The following CSMD1 variants were observed in gnomAD, a reference collection of about 807,000 sequenced individuals.
CSMD1 encodes CUB and Sushi multiple domains 1.
CSMD1 carries 213 observed loss-of-function variants against 417.5 expected under a neutral mutation model. That is an observed-to-expected ratio of 0.51 (90% CI 0.46 to 0.57). The LOEUF is 0.57. Among genes scored for constraint, CSMD1 ranks in the 20% least tolerant of loss-of-function variants. The pLI is 0.00. For synonymous variants in CSMD1, 2,862 were observed against 1,736.8 expected (o/e 1.65, Z -16.11); for missense variants, 6,923 against 4,529.7 (o/e 1.53, Z -15.17).
intron 3 of CSMD1, among the ~76,000 whole-genome samples, chr8:4,341,699 C>G (rs1024644598): frequency 5.3e-5 from 8 of 152,086 alleles, no homozygotes; most frequent in African/African-American, 1.2e-4. Flanking sequence ...AAATGGAAAC[C>G]TAAGATTAGT....
intron 25 of CSMD1, among the ~76,000 whole-genome samples, chr8:3,299,055 C>G (rs1297789305): frequency 6.6e-6 from 1 of 152,070 alleles, no homozygotes; most frequent in African/African-American, 2.4e-5. Context: ...TATGATACAA[C>G]AAAACTTAAA....
chr8:3,634,068 G>A (rs193172366), intron 7 of CSMD1, among the ~76,000 whole-genome samples: 52 of 152,106 alleles, frequency 3.4e-4, no homozygotes, highest in Non-Finnish European at 6.2e-4. Flanking sequence ...ATCTGGGTAG[G>A]GGGTGGTGGG....
chr8:3,511,763 ATAACATAAC>A (rs371004377), intron 10 of CSMD1, among the ~76,000 whole-genome samples: 13,000 of 81,266 alleles, frequency 0.16, 727 homozygotes, highest in African/African-American at 0.2. Context: ...CTCTAAAAAA[ATAACATAAC>A]ATAACATAAC....
intron 2 of CSMD1, among the ~76,000 whole-genome samples, chr8:4,427,049 C>T (rs1247619263): frequency 6.6e-6 from 1 of 151,934 alleles, no homozygotes; most frequent in Non-Finnish European, 1.5e-5. Flanking sequence ...GTAGACGGAA[C>T]AGCCCCAGAG....
chr8:4,458,934 C>A (rs1314885049), intron 2 of CSMD1, among the ~76,000 whole-genome samples: 1 of 152,202 alleles, frequency 6.6e-6, no homozygotes, highest in South Asian at 2.1e-4. Context: ...TCTGGAAGTG[C>A]ATTAAGCTTG....
At chr8:3,481,154 CAAAAAAAAAA>C (rs1221192557) in intron 11 of CSMD1, among the ~76,000 whole-genome samples, 1 of 69,444 alleles carries the variant, frequency 1.4e-5, no homozygotes, top group East Asian at 5.5e-4. Context: ...GACTCCATCT[CAAAAAAAAAA>C]AAAAAAAAAA....
chr8:3,219,242 G>A lies in CSMD1; in HGVS notation c.4672+13C>T, dbSNP rs1482683758. 3 of 1,573,898 alleles carry A rather than the reference G, an allele frequency of 1.9e-6. No individual in the cohort carries two copies. Among genetic ancestry groups the A allele is most frequent in the Non-Finnish European group, 2.6e-6 (3 of 1,157,970 alleles). On this transcript the variant is annotated intron_variant, in intron 29 of 69. Coordinates refer to ENST00000635120, the MANE Select transcript of CSMD1 (RefSeq NM_033225.6). The stretch of plus-strand genomic sequence containing the variant: ...CAAATTAATTCCCACTCAAATTCAG[G>A]CAATCGCAATACCTTTAAATTCAAT...
intron 25 of CSMD1, among the ~76,000 whole-genome samples, chr8:3,302,574 G>C (rs1014357939): frequency 6.6e-6 from 1 of 152,150 alleles, no homozygotes; most frequent in Non-Finnish European, 1.5e-5. Context: ...AAGACATCAA[G>C]TGCACTGATC....
intron 4 of CSMD1, among the ~76,000 whole-genome samples, chr8:4,025,664 C>T (rs1338217718): frequency 6.6e-6 from 1 of 152,036 alleles, no homozygotes; most frequent in African/African-American, 2.4e-5. Context: ...AGACACAGAT[C>T]TTAAGTTGAA....
At chr8:4,203,059 T>G (rs1444112889) in intron 3 of CSMD1, among the ~76,000 whole-genome samples, 2 of 152,182 alleles carry the variant, frequency 1.3e-5, no homozygotes, top group Non-Finnish European at 2.9e-5. Flanking sequence ...GTGTGAGAGT[T>G]AAGGATTTTG....
chr8:4,330,589 CAA>C (rs34787742), intron 3 of CSMD1, among the ~76,000 whole-genome samples: 5 of 143,628 alleles, frequency 3.5e-5, no homozygotes, highest in African/African-American at 1.3e-4. Context: ...AACCCTGTCT[CAA>C]AAAAAAAAAA....
chr8:4,168,421 A>C lies in CSMD1; in HGVS notation c.416-136322T>G, dbSNP rs188675384. On this transcript the variant is annotated intron_variant, in intron 3 of 69. Coordinates refer to ENST00000635120, the MANE Select transcript of CSMD1 (RefSeq NM_033225.6). Reference sequence around the variant, plus strand: ...CTCTCTCAATATATATTTTACATTTATTTTTTATATTTTAGTAATATTGCA... The same window carrying C: ...CTCTCTCAATATATATTTTACATTTCTTTTTTATATTTTAGTAATATTGCA... 4.1e-3 allele frequency among the ~76,000 whole-genome samples: 620 copies of C among 152,024 alleles called. 5 individuals carry two copies. The highest frequency in any genetic ancestry group is 0.013 in the South Asian group (61 of 4,816).
intron 11 of CSMD1, among the ~76,000 whole-genome samples, chr8:3,492,741 G>C (rs777605467): frequency 1.3e-5 from 2 of 152,176 alleles, no homozygotes; most frequent in South Asian, 2.1e-4. Context: ...AGTGGGATCA[G>C]TCTGCAAATA....
intron 5 of CSMD1, among the ~76,000 whole-genome samples, chr8:3,971,450 C>T (rs1241411455): frequency 2.0e-5 from 3 of 151,904 alleles, no homozygotes; most frequent in East Asian, 3.9e-4. Flanking sequence ...CTTTGGGATT[C>T]GACTAATGCA....
chr8:3,532,747 C>A (rs1007546398), intron 10 of CSMD1, among the ~76,000 whole-genome samples: 1 of 152,078 alleles, frequency 6.6e-6, no homozygotes, highest in Admixed American at 6.6e-5. Context: ...ATCTATTGAT[C>A]AATATATAGA....
chr8:4,900,582 C>A (rs1177622779), intron 1 of CSMD1, among the ~76,000 whole-genome samples: 4 of 152,168 alleles, frequency 2.6e-5, no homozygotes, highest in Admixed American at 2.6e-4. Context: ...CCTTTCTGGC[C>A]TCTTCTGATT....
At chr8:4,352,986 A>T (rs182912677) in intron 3 of CSMD1, among the ~76,000 whole-genome samples, 1 of 152,388 alleles carries the variant, frequency 6.6e-6, no homozygotes, top group African/African-American at 2.4e-5. Flanking sequence ...CTTTGAATGC[A>T]ACATTAAAAT....
intron 3 of CSMD1, among the ~76,000 whole-genome samples, chr8:4,083,369 T>C (rs1049534994): frequency 3.3e-5 from 5 of 152,186 alleles, no homozygotes; most frequent in East Asian, 1.9e-4. Flanking sequence ...TGGCCAGTGA[T>C]GGTGAGCATT....
chr8:3,204,551 T>G (rs557933423), intron 31 of CSMD1, among the ~76,000 whole-genome samples: 2 of 152,136 alleles, frequency 1.3e-5, no homozygotes, highest in South Asian at 4.1e-4. Context: ...CAGCAAGGTT[T>G]GGGGAGGGTG....
Sources: gnomAD v4.1 joint callset for allele counts (sites outside exome capture counted in the v4.1 genomes callset) on GRCh38, gnomAD v4.1.1 for gene constraint, MANE v1.5 for transcripts, NCBI Gene and HGNC (gene_info 2026-07-23, HGNC 2026-07-21) for gene names.